ARAP1: variants seen among roughly 807,000 people sequenced by gnomAD.
ARAP1 encodes arf-GAP with Rho-GAP domain, ANK repeat and PH domain-containing protein 1.
ARAP1 carries 76 observed loss-of-function variants against 172.2 expected under a neutral mutation model. The ratio of observed to expected loss-of-function variants is 0.44; its 90% CI spans 0.37 to 0.53. ARAP1 has a LOEUF of 0.53. Among genes scored for constraint, ARAP1 ranks in the 20% least tolerant of loss-of-function variants. The probability of loss-of-function intolerance (pLI) is 0.00; values close to 1 mark genes in which losing one functional copy is unlikely to be tolerated. For synonymous variants in ARAP1, 804 were observed against 803.3 expected (o/e 1.00, Z -0.01); for missense variants, 1,686 against 1,977.5 (o/e 0.85, Z 2.80).
chr11:72,750,249 G>A (rs1320055824), intron 1 of ARAP1, among the ~76,000 whole-genome samples: 2 of 152,210 alleles, frequency 1.3e-5, no homozygotes, highest in African/African-American at 4.8e-5. Flanking sequence ...AAGACCTAGA[G>A]TGAGGGGCGG....
At chr11:72,736,210 A>C (rs1858018316) in intron 1 of ARAP1, among the ~76,000 whole-genome samples, 3 of 151,776 alleles carry the variant, frequency 2.0e-5, no homozygotes, top group Admixed American at 2.0e-4. Flanking sequence ...TTTTAAAATA[A>C]ATAGTTATTG....
At position 72,732,530 on chromosome 11, in the gene ARAP1, G is replaced by A. The variant is rs181354840; in HGVS notation, c.-60C>T. The A allele has an allele frequency of 9.2e-5, 14 of 152,750 alleles. No homozygotes were observed. Among genetic ancestry groups the A allele is most frequent in the African/African-American group, 2.9e-4 (12 of 41,590 alleles). The allele number at this position is 152,750 out of a possible 1,614,324, so 9.5% of individuals were successfully genotyped here. ...CCTGACTCACCAGCTGGGCTGCCAAGGACGCCCGGGTCCTCCCAGAGACAG... is the reference window on the plus strand; with the variant it reads ...CCTGACTCACCAGCTGGGCTGCCAAAGACGCCCGGGTCCTCCCAGAGACAG... On this transcript the variant is annotated 5_prime_UTR_variant, in exon 2 of 35. Transcript: ENST00000393609.
chr11:72,723,991 C>T (rs985090259), intron 3 of ARAP1, among the ~76,000 whole-genome samples: 5 of 152,206 alleles, frequency 3.3e-5, no homozygotes, highest in African/African-American at 1.2e-4. Context: ...GATGTACTCA[C>T]ACACTGTTGG....
At chr11:72,714,350 C>T (rs374178172) in intron 3 of ARAP1, 29 bp from the exon 4 acceptor site, 4 of 1,540,322 alleles carry the variant, frequency 2.6e-6, no homozygotes, top group Admixed American at 4.1e-5. Flanking sequence ...TTGGGCATCA[C>T]TAAGCAACAG....
chr11:72,685,693 C>G lies in ARAP1; in HGVS notation c.4336-12G>C. 1 of 1,614,008 alleles carries G rather than the reference C, an allele frequency of 6.2e-7. No individual in the cohort carries two copies. The highest frequency in any genetic ancestry group is 2.2e-5 in the East Asian group (1 of 44,884). On this transcript the variant is annotated splice_polypyrimidine_tract_variant and intron_variant, in intron 34 of 34. Coordinates refer to ENST00000393609, the MANE Select transcript of ARAP1 (RefSeq NM_001040118.3). ...ACGTTGCGCAGAAGCTGCAGGAAGG[C>G]AAGAGACCCACAGGTATTTTGTGAA...
rs894104604 is a variant in ARAP1 at position 72,685,534 on chromosome 11, G to C, written c.*130C>G. ...AACCCCATGCTGCAGTCAGGATGGAGGATGTGGGTTGTGGGGTGCAGTTTC... is the reference window on the plus strand; with the variant it reads ...AACCCCATGCTGCAGTCAGGATGGACGATGTGGGTTGTGGGGTGCAGTTTC... On this transcript the variant is annotated 3_prime_UTR_variant, in exon 35 of 35. Coordinates refer to ENST00000393609, the MANE Select transcript of ARAP1 (RefSeq NM_001040118.3). 7 of 1,298,102 alleles carry C rather than the reference G, an allele frequency of 5.4e-6. No individual in the cohort carries two copies. In the East Asian group the frequency reaches 1.6e-4, roughly 30 times the overall value. The allele number at this position is 1,298,102 out of a possible 1,614,324, so 80.4% of individuals were successfully genotyped here. A position where few individuals can be genotyped will look rare whatever the true frequency, so the allele number is the denominator to read the frequency against.
chr11:72,692,949 A>G (rs1856004464), intron 29 of ARAP1, among the ~76,000 whole-genome samples, 164 bp from the exon 30 acceptor site: 1 of 152,150 alleles, frequency 6.6e-6, no homozygotes, highest in Non-Finnish European at 1.5e-5. Flanking sequence ...TGTGGACAGA[A>G]TGAGGGAGAA....
At position 72,710,965 on chromosome 11, in the gene ARAP1, C is replaced by T. The variant is rs1856985679; in HGVS notation, c.1213+56G>A. ...CTCTCTTCCCCCTCCTCTGCCCAAA[C>T]TTCCAGTCTTCTCTACCCTCTTCTA... On this transcript the variant is annotated intron_variant, in intron 9 of 34. Transcript: ENST00000393609. The surrounding 1 kb of genome is among the most constrained non-coding windows in gnomAD (Gnocchi z 4.3). 6.2e-6 allele frequency: 10 copies of T among 1,607,046 alleles called. No individual in the cohort carries two copies. The South Asian group carries it at 1.0e-4, about 16-fold the overall frequency.
chr11:72,685,597 C>T lies in ARAP1; in HGVS notation c.*67G>A, dbSNP rs375393530. ...CGCTGGCTCACATCAGGCCTTGGAG[C>T]ATAAGGGGTGTCTGAACAGAAGGCT... On this transcript the variant is annotated 3_prime_UTR_variant, in exon 35 of 35. Coordinates refer to ENST00000393609, the MANE Select transcript of ARAP1 (RefSeq NM_001040118.3). 2 of 1,608,890 alleles carry T rather than the reference C, an allele frequency of 1.2e-6. No individual in the cohort carries two copies. The highest frequency in any genetic ancestry group is 1.7e-6 in the Non-Finnish European group (2 of 1,175,302).
At chr11:72,745,812 G>A (rs924162938) in intron 1 of ARAP1, among the ~76,000 whole-genome samples, 2 of 152,126 alleles carry the variant, frequency 1.3e-5, no homozygotes, top group African/African-American at 4.8e-5. Context: ...CGACTGCCTG[G>A]CTGGGCTCCT....
Position 72,699,647 on chromosome 11 carries a change from CA to C in ARAP1, c.2303-96del, listed in dbSNP as rs1775061969. 1 of 1,471,956 alleles carries C rather than the reference CA, an allele frequency of 6.8e-7. No homozygotes were observed. Among genetic ancestry groups the C allele is most frequent in the African/African-American group, 1.4e-5 (1 of 71,158 alleles). 91.2% of individuals were successfully genotyped at this position (1,471,956 alleles called of 1,614,324 possible). ...CCGGGGCTCCTGCTCCCATCTGACC[CA>C]TGAGCTCTTCATTCTCTCAAGTTTT... On this transcript the variant is annotated intron_variant, in intron 16 of 34. Coordinates refer to ENST00000393609, the MANE Select transcript of ARAP1 (RefSeq NM_001040118.3). This position sits in a 1 kb window ranked among gnomAD's most constrained non-coding sequence, Gnocchi z 4.2.
intron 3 of ARAP1, among the ~76,000 whole-genome samples, chr11:72,724,315 C>T (rs567809375): frequency 2.6e-5 from 4 of 152,266 alleles, no homozygotes; most frequent in African/African-American, 7.2e-5. Flanking sequence ...TGGAGATGAC[C>T]GGCCTCAGCC....
At chr11:72,745,578 T>C (rs1430077619) in intron 1 of ARAP1, among the ~76,000 whole-genome samples, 2 of 151,712 alleles carry the variant, frequency 1.3e-5, no homozygotes, top group Admixed American at 1.3e-4. Context: ...ACTGGGCCCC[T>C]CCTACCCCAA....
chr11:72,710,924 G>T lies in ARAP1; in HGVS notation c.1213+97C>A. ...TGCCTCCCCGGATGTGATGTGAGAGGGCAGATGCACCATGACTCTCTTCCC... is the reference window on the plus strand; with the variant it reads ...TGCCTCCCCGGATGTGATGTGAGAGTGCAGATGCACCATGACTCTCTTCCC... On this transcript the variant is annotated intron_variant, in intron 9 of 34. Coordinates refer to ENST00000393609, the MANE Select transcript of ARAP1 (RefSeq NM_001040118.3). The surrounding 1 kb of genome is among the most constrained non-coding windows in gnomAD (Gnocchi z 4.3). The T allele has an allele frequency of 6.3e-7, 1 of 1,577,896 alleles. No homozygotes were observed. Among genetic ancestry groups the T allele is most frequent in the Non-Finnish European group, 8.6e-7 (1 of 1,158,604 alleles).
At chr11:72,727,698 C>T (rs1857739201) in intron 2 of ARAP1, among the ~76,000 whole-genome samples, 1 of 152,354 alleles carries the variant, frequency 6.6e-6, no homozygotes, top group Admixed American at 6.5e-5. Context: ...TACCTCCATG[C>T]CCCTGGAGGA....
rs1159361370 is a variant in ARAP1, at chr11:72,712,574, C to T, written c.748-6G>A. 6.2e-7 allele frequency: 1 copy of T among 1,611,594 alleles called. No homozygotes were observed. On this transcript the variant is annotated splice_polypyrimidine_tract_variant and splice_region_variant and intron_variant, in intron 5 of 34. Coordinates refer to ENST00000393609, the MANE Select transcript of ARAP1 (RefSeq NM_001040118.3). Reference sequence around the variant, plus strand: ...CGGCTCGGTGGGGGCTCCTCCTGCCCCCGAGACCCACTCAGCGTCATCCTT... The same window carrying T: ...CGGCTCGGTGGGGGCTCCTCCTGCCTCCGAGACCCACTCAGCGTCATCCTT...
At position 72,710,009 on chromosome 11, in the gene ARAP1, G is replaced by T; in HGVS notation, c.1417-33C>A. 2 of 1,575,804 alleles carry T rather than the reference G, an allele frequency of 1.3e-6. No homozygotes were observed. The highest frequency in any genetic ancestry group is 1.1e-5 in the South Asian group (1 of 90,256). ...GCAGATGGGACGGGATGAGGGCAAG[G>T]CTTTGGGGGCAGGGCGTGAGGCTTG... On this transcript the variant is annotated intron_variant, in intron 10 of 34. Coordinates refer to ENST00000393609, the MANE Select transcript of ARAP1 (RefSeq NM_001040118.3). This position sits in a 1 kb window ranked among gnomAD's most constrained non-coding sequence, Gnocchi z 4.3.
chr11:72,751,118 A>G (rs1433189414), intron 1 of ARAP1, among the ~76,000 whole-genome samples: 1 of 152,058 alleles, frequency 6.6e-6, no homozygotes, highest in African/African-American at 2.4e-5. Context: ...CTCATCAGTC[A>G]CCGGTACTCT....
Position 72,710,052 on chromosome 11 carries a change from G to A in ARAP1, c.1417-76C>T. On this transcript the variant is annotated intron_variant, in intron 10 of 34. Coordinates refer to ENST00000393609, the MANE Select transcript of ARAP1 (RefSeq NM_001040118.3). The surrounding 1 kb of genome is among the most constrained non-coding windows in gnomAD (Gnocchi z 4.3). ...GAGGCTTGGGACAGGGAGAGGAAGG[G>A]AAGGTGGTGCAACTCAGGGACTGGG... 6 of 1,353,640 alleles carry A rather than the reference G, an allele frequency of 4.4e-6. No homozygotes were observed. Among genetic ancestry groups the A allele is most frequent in the Non-Finnish European group, 6.3e-6 (6 of 945,700 alleles). 83.9% of individuals were successfully genotyped at this position (1,353,640 alleles called of 1,614,324 possible).
Sources: gnomAD v4.1 joint callset for allele counts (sites outside exome capture counted in the v4.1 genomes callset) on GRCh38, gnomAD v4.1.1 for gene constraint, Gnocchi (gnomAD v3.1) non-coding constraint, MANE v1.5 for transcripts, NCBI Gene and HGNC (gene_info 2026-07-23, HGNC 2026-07-21) for gene names.